SCAMP1: variants seen among roughly 807,000 people sequenced by gnomAD.
The protein encoded by SCAMP1 is secretory carrier membrane protein 1, also known as secretory carrier-associated membrane protein 1.
A neutral mutation model predicts 41.8 loss-of-function variants in SCAMP1; 15 were observed. The observed-to-expected ratio is 0.36, with a 90% CI of 0.24 to 0.55. SCAMP1 has a LOEUF of 0.55. Among genes scored for constraint, SCAMP1 ranks in the 20% least tolerant of loss-of-function variants. The pLI, the probability that SCAMP1 is intolerant of heterozygous loss-of-function variation, is 0.86. For missense variants in SCAMP1, 341 were observed against 412.6 expected (o/e 0.83, Z 1.50); for synonymous variants, 135 against 136.8 (o/e 0.99, Z 0.09).
At chr5:78,374,529 A>G (rs556145490) in intron 1 of SCAMP1, among the ~76,000 whole-genome samples, 16 of 152,112 alleles carry the variant, frequency 1.1e-4, no homozygotes, top group Non-Finnish European at 8.8e-5. Context: ...AGACCTCTCA[A>G]TGTCATTTTG....
At chr5:78,464,765 A>G (rs1290380902) in intron 8 of SCAMP1, among the ~76,000 whole-genome samples, 1 of 152,098 alleles carries the variant, frequency 6.6e-6, no homozygotes, top group African/African-American at 2.4e-5. Context: ...AATCACTTTT[A>G]TTTTGCTCAG....
chr5:78,388,934 T>G lies in SCAMP1; in HGVS notation c.135+20T>G. 1 of 1,226,306 alleles carries G rather than the reference T, an allele frequency of 8.2e-7. No individual in the cohort carries two copies. Among genetic ancestry groups the G allele is most frequent in the South Asian group, 1.4e-5 (1 of 70,956 alleles). The allele number at this position is 1,226,306 out of a possible 1,614,324, so 76.0% of individuals were successfully genotyped here. On this transcript the variant is annotated intron_variant, in intron 2 of 8. Coordinates refer to ENST00000621999, the MANE Select transcript of SCAMP1 (RefSeq NM_004866.6). ...AGAACAGTAAGATTATTCTTGCTTT[T>G]AAATGTTTAAATTGAAATTCAGTAG... is the stretch of plus-strand genomic sequence containing the variant.
At chr5:78,451,670 TTG>T (rs1561282360) in intron 7 of SCAMP1, among the ~76,000 whole-genome samples, 1 of 152,146 alleles carries the variant, frequency 6.6e-6, no homozygotes, top group Non-Finnish European at 1.5e-5. Context: ...GATTGATTGA[TTG>T]ATTGAGACAG....
At chr5:78,463,597 C>T (rs916336645) in intron 8 of SCAMP1, among the ~76,000 whole-genome samples, 1 of 152,130 alleles carries the variant, frequency 6.6e-6, no homozygotes, top group African/African-American at 2.4e-5. Context: ...TTTGAACGTT[C>T]TGAGTAATAT....
chr5:78,378,608 A>G (rs984926355), intron 1 of SCAMP1, among the ~76,000 whole-genome samples: 1 of 152,214 alleles, frequency 6.6e-6, no homozygotes, highest in Non-Finnish European at 1.5e-5. Flanking sequence ...TTGATATTTT[A>G]GTGAAATATG....
At chr5:78,431,532 G>GT (rs1215474210) in intron 6 of SCAMP1, among the ~76,000 whole-genome samples, 47 of 109,562 alleles carry the variant, frequency 4.3e-4, no homozygotes, top group Non-Finnish European at 6.5e-4. Context: ...CTTTCTTTTT[G>GT]CCTTTTTTTT....
intron 2 of SCAMP1, among the ~76,000 whole-genome samples, chr5:78,405,769 G>T (rs917841396): frequency 6.6e-6 from 1 of 152,138 alleles, no homozygotes; most frequent in African/African-American, 2.4e-5. Context: ...TGAATGAATG[G>T]ATATGGTCAC....
At chr5:78,459,523 A>G (rs553076231) in intron 8 of SCAMP1, among the ~76,000 whole-genome samples, 161 bp downstream of exon 8, 1 of 152,328 alleles carries the variant, frequency 6.6e-6, no homozygotes, top group African/African-American at 2.4e-5. Context: ...ATGCATAAGT[A>G]CATTTTAGAA....
intron 7 of SCAMP1, among the ~76,000 whole-genome samples, chr5:78,458,677 C>T (rs10056690): frequency 0.45 from 68,708 of 151,890 alleles, 16,336 homozygotes; most frequent in Non-Finnish European, 0.51. Flanking sequence ...GTCAGGAGTT[C>T]GAGACCAGTC....
chr5:78,453,456 T>A (rs932922709), intron 7 of SCAMP1, among the ~76,000 whole-genome samples: 9 of 151,994 alleles, frequency 5.9e-5, no homozygotes, highest in Non-Finnish European at 8.8e-5. Context: ...CTTTCCCCAT[T>A]GCTTGTTTTT....
chr5:78,471,670 C>A (rs1363419221), intron 8 of SCAMP1, among the ~76,000 whole-genome samples: 7 of 152,122 alleles, frequency 4.6e-5, no homozygotes, highest in Non-Finnish European at 7.4e-5. Flanking sequence ...TCATATACCA[C>A]CACAGCATGT....
intron 5 of SCAMP1, among the ~76,000 whole-genome samples, chr5:78,421,502 C>T (rs576085572): frequency 1.9e-4 from 29 of 152,222 alleles, no homozygotes; most frequent in Non-Finnish European, 2.6e-4. Context: ...GTTTCCTTTT[C>T]GGGAAGAAGC....
At chr5:78,399,025 A>G (rs1751734065) in intron 2 of SCAMP1, among the ~76,000 whole-genome samples, 1 of 152,072 alleles carries the variant, frequency 6.6e-6, no homozygotes, top group South Asian at 2.1e-4. Flanking sequence ...TACTGTCTCC[A>G]TAGTTTTGCC....
At chr5:78,443,972 A>G (rs1199616064) in intron 6 of SCAMP1, among the ~76,000 whole-genome samples, 1 of 152,134 alleles carries the variant, frequency 6.6e-6, no homozygotes, top group Non-Finnish European at 1.5e-5. Context: ...AGATTTTAAG[A>G]GATAGACTCT....
chr5:78,440,812 G>A (rs1752901844), intron 6 of SCAMP1, among the ~76,000 whole-genome samples: 1 of 152,236 alleles, frequency 6.6e-6, no homozygotes, highest in African/African-American at 2.4e-5. Flanking sequence ...CAGAGGTGGA[G>A]TCTACGGAGG....
At chr5:78,425,331 GA>G (rs1419366801) in intron 6 of SCAMP1, among the ~76,000 whole-genome samples, 13 of 152,138 alleles carry the variant, frequency 8.5e-5, no homozygotes, top group African/African-American at 2.9e-4. Context: ...GTCAATTTAA[GA>G]AATGGAACAT....
chr5:78,407,491 C>A lies in SCAMP1; in HGVS notation c.136-8029C>A, dbSNP rs966770680. ...GGGAATTATCCTTTTTTTTTTCTTGCAGTTTTTAAGGTTTGCTCTTTCATT... is the reference window on the plus strand; with the variant it reads ...GGGAATTATCCTTTTTTTTTTCTTGAAGTTTTTAAGGTTTGCTCTTTCATT... On this transcript the variant is annotated intron_variant, in intron 2 of 8. Transcript: ENST00000621999. 4.0e-5 allele frequency among the ~76,000 whole-genome samples: 6 copies of A among 151,412 alleles called. No homozygotes were observed. The East Asian group carries it at 1.2e-3, about 29-fold the overall frequency.
chr5:78,478,179 C>T lies in SCAMP1; in HGVS notation c.*2511C>T, dbSNP rs1754048403. The T allele has an allele frequency of 6.6e-6, 1 of 152,486 alleles. No homozygotes were observed. 9.4% of individuals were successfully genotyped at this position (152,486 alleles called of 1,614,324 possible). ...GACTGTCATGGTTCTACAGAAATGC[C>T]CTCCATGTGTCCCTCTAATGTTGCA... On this transcript the variant is annotated 3_prime_UTR_variant, in exon 9 of 9. Transcript: ENST00000621999.
intron 1 of SCAMP1, among the ~76,000 whole-genome samples, chr5:78,365,210 C>T (rs1217649967): frequency 6.6e-6 from 1 of 151,994 alleles, no homozygotes; most frequent in Non-Finnish European, 1.5e-5. Context: ...CGCAGTGGCT[C>T]ACGCCTGTAA....
Sources: gnomAD v4.1 joint callset for allele counts (sites outside exome capture counted in the v4.1 genomes callset) on GRCh38, gnomAD v4.1.1 for gene constraint, MANE v1.5 for transcripts, NCBI Gene and HGNC (gene_info 2026-07-23, HGNC 2026-07-21) for gene names.